Variants in PRR16 observed in about 807,000 individuals in gnomAD.
PRR16 encodes the protein proline rich 16.
In PRR16, 6 loss-of-function variants were observed where a neutral mutation model predicts 18.2. That is an observed-to-expected ratio of 0.33 (90% confidence interval 0.18 to 0.65). The LOEUF (loss-of-function observed/expected upper bound fraction) is 0.65. Ranked by LOEUF, PRR16 falls within the 30% of genes least tolerant of loss-of-function variation. The pLI, the probability that PRR16 is intolerant of heterozygous loss-of-function variation, is 0.74. For synonymous variants in PRR16, 151 were observed against 147.8 expected (o/e 1.02, Z -0.16); for missense variants, 412 against 376.6 (o/e 1.09, Z -0.78).
the PRR16 span, among the ~76,000 whole-genome samples, chr5:120,789,198 C>T: frequency 2.6e-5 from 4 of 152,032 alleles, no homozygotes; most frequent in Non-Finnish European, 5.9e-5. Context: ...ATAGTAATAA[C>T]ATTCTGAACC....
chr5:120,701,694 T>A, the PRR16 span, among the ~76,000 whole-genome samples: 1 of 151,498 alleles, frequency 6.6e-6, no homozygotes, highest in Non-Finnish European at 1.5e-5. Context: ...AAAAGGAAGA[T>A]TAGAAAGACT....
At chr5:120,644,284 T>C (rs1188183162) in intron 1 of PRR16, among the ~76,000 whole-genome samples, 1 of 152,084 alleles carries the variant, frequency 6.6e-6, no homozygotes, top group Non-Finnish European at 1.5e-5. Flanking sequence ...ATTATTTAAC[T>C]TTAACTTATA....
chr5:120,550,164 A>G (rs1752209196), intron 1 of PRR16, among the ~76,000 whole-genome samples: 1 of 152,086 alleles, frequency 6.6e-6, no homozygotes, highest in African/African-American at 2.4e-5. Flanking sequence ...TATTACTAGA[A>G]AAGCATCTTC....
At chr5:120,607,197 A>G (rs1440125672) in intron 1 of PRR16, among the ~76,000 whole-genome samples, 2 of 152,284 alleles carry the variant, frequency 1.3e-5, no homozygotes, top group African/African-American at 4.8e-5. Flanking sequence ...ATTTAAAACA[A>G]CATTGTTCAT....
intron 1 of PRR16, among the ~76,000 whole-genome samples, chr5:120,600,642 T>C (rs1198541440): frequency 6.6e-6 from 1 of 151,890 alleles, no homozygotes; most frequent in African/African-American, 2.4e-5. Flanking sequence ...TATGTGTTTC[T>C]GGGGTTTGAT....
At chr5:120,537,854 G>T (rs993612394) in intron 1 of PRR16, among the ~76,000 whole-genome samples, 1 of 142,016 alleles carries the variant, frequency 7.0e-6, no homozygotes, top group Non-Finnish European at 1.5e-5. Flanking sequence ...TCGGCTCAAT[G>T]CAAGCTCCGC....
At chr5:120,617,635 T>A (rs1754559105) in intron 1 of PRR16, among the ~76,000 whole-genome samples, 1 of 152,158 alleles carries the variant, frequency 6.6e-6, no homozygotes. Context: ...TGATAAGTTA[T>A]CTTTATATAT....
chr5:120,754,306 TATATAAC>T, the PRR16 span, among the ~76,000 whole-genome samples: 1 of 45,914 alleles, frequency 2.2e-5, no homozygotes, highest in African/African-American at 7.8e-5. Flanking sequence ...TAATATATAA[TATATAAC>T]ATATAAATAT....
chr5:120,720,060 T>C, the PRR16 span, among the ~76,000 whole-genome samples: 1 of 151,982 alleles, frequency 6.6e-6, no homozygotes, highest in Admixed American at 6.6e-5. Flanking sequence ...CACACATTTA[T>C]TGTATAGTCT....
At chr5:120,766,377 A>C in the PRR16 span, among the ~76,000 whole-genome samples, 224 of 152,034 alleles carry the variant, frequency 1.5e-3, no homozygotes, top group Non-Finnish European at 2.3e-3. Flanking sequence ...AAACACATCT[A>C]TTGGCCATTT....
At chr5:120,506,604 A>C (rs1320055472) in intron 1 of PRR16, among the ~76,000 whole-genome samples, 1 of 152,066 alleles carries the variant, frequency 6.6e-6, no homozygotes, top group Non-Finnish European at 1.5e-5. Flanking sequence ...TTTGATTTGC[A>C]TTACTCTGGG....
chr5:120,522,851 C>G (rs1751230899), intron 1 of PRR16, among the ~76,000 whole-genome samples: 1 of 152,104 alleles, frequency 6.6e-6, no homozygotes, highest in Non-Finnish European at 1.5e-5. Context: ...CTCCTGACCT[C>G]GTGATCCACC....
intron 1 of PRR16, among the ~76,000 whole-genome samples, chr5:120,588,260 T>G (rs1753517034): frequency 6.6e-6 from 1 of 152,206 alleles, no homozygotes; most frequent in Admixed American, 6.5e-5. Context: ...ATAAACTTAG[T>G]TTTTAAAGCT....
chr5:120,685,370 G>C (rs975972847), intron 1 of PRR16, among the ~76,000 whole-genome samples: 6 of 150,798 alleles, frequency 4.0e-5, no homozygotes, highest in Non-Finnish European at 7.3e-5. Context: ...CAAAGTTTTA[G>C]TTGCTTTCTT....
At chr5:120,716,412 G>A in the PRR16 span, among the ~76,000 whole-genome samples, 2 of 152,154 alleles carry the variant, frequency 1.3e-5, no homozygotes, top group Non-Finnish European at 2.9e-5. Context: ...TCAGATATTT[G>A]TGGAGCATTA....
intron 1 of PRR16, among the ~76,000 whole-genome samples, chr5:120,587,263 G>T (rs1580756467): frequency 6.6e-6 from 1 of 152,280 alleles, no homozygotes; most frequent in East Asian, 1.9e-4. Flanking sequence ...AGCAGATGAT[G>T]GAGAAGCTGT....
chr5:120,759,893 TG>T, the PRR16 span, among the ~76,000 whole-genome samples: 1 of 152,040 alleles, frequency 6.6e-6, no homozygotes, highest in Non-Finnish European at 1.5e-5. Flanking sequence ...TTTAGAAGGT[TG>T]GGGGATCCCA....
chr5:120,764,997 CT>C, the PRR16 span, among the ~76,000 whole-genome samples: 21,833 of 151,898 alleles, frequency 0.14, 2,290 homozygotes, highest in African/African-American at 0.3. Flanking sequence ...ACTGAAGAGC[CT>C]ACCTCCTGAG....
chr5:120,764,189 G>A, the PRR16 span, among the ~76,000 whole-genome samples: 3 of 152,052 alleles, frequency 2.0e-5, no homozygotes, highest in African/African-American at 7.2e-5. Flanking sequence ...GGTGTTTTCT[G>A]TGGGTGTATC....
Sources: allele counts gnomAD v4.1 joint callset (sites outside exome capture counted in the v4.1 genomes callset), GRCh38; gene constraint gnomAD v4.1.1; transcripts MANE v1.5; gene names NCBI Gene and HGNC (gene_info 2026-07-23, HGNC 2026-07-21).